The following DLC1 variants were observed in gnomAD, a reference collection of about 807,000 sequenced individuals.
The protein encoded by DLC1 is rho GTPase-activating protein 7.
DLC1 carries 54 observed loss-of-function variants against 140.3 expected under a neutral mutation model. That is an observed-to-expected ratio of 0.38 (90% CI 0.31 to 0.48). DLC1 has a LOEUF of 0.48. DLC1 is among the 20% of genes least tolerant of loss of function. The probability of loss-of-function intolerance (pLI) is 0.96; values close to 1 mark genes in which losing one functional copy is unlikely to be tolerated. For missense variants in DLC1, 2,536 were observed against 1,907.0 expected, an observed-to-expected ratio of 1.33 and a Z score of -6.14; for synonymous variants, 986 against 728.1, an observed-to-expected ratio of 1.35 and a Z score of -5.70.
At chr8:13,583,202 A>G (rs1473727800) in intron 1 of DLC1, among the ~76,000 whole-genome samples, 1 of 152,098 alleles carries the variant, frequency 6.6e-6, no homozygotes, top group Non-Finnish European at 1.5e-5. Context: ...ATGCTGTTTG[A>G]TAGCATTTTA....
intron 2 of DLC1, among the ~76,000 whole-genome samples, chr8:13,453,424 G>GTATA (rs1173719745): frequency 3.5e-5 from 2 of 56,514 alleles, no homozygotes; most frequent in South Asian, 4.9e-4. Context: ...ATATATATAT[G>GTATA]TGTATATATA....
At chr8:13,268,685 G>T (rs1323125692) in intron 5 of DLC1, among the ~76,000 whole-genome samples, 1 of 151,824 alleles carries the variant, frequency 6.6e-6, no homozygotes, top group Non-Finnish European at 1.5e-5. Context: ...GCCCAGCCTT[G>T]TTTGCAGAGA....
At chr8:13,177,698 T>C (rs576143780) in intron 5 of DLC1, among the ~76,000 whole-genome samples, 6 of 152,314 alleles carry the variant, frequency 3.9e-5, no homozygotes, top group Admixed American at 3.9e-4. Flanking sequence ...CATTTTTGCT[T>C]TTTTATATTT....
At chr8:13,305,381 A>T in intron 4 of DLC1, 79 bp from the exon 5 acceptor site, 1 of 1,424,054 alleles carries the variant, frequency 7.0e-7, no homozygotes, top group Non-Finnish European at 9.5e-7. Flanking sequence ...AACGAAGTGT[A>T]ATTAATGACG....
chr8:13,430,113 T>C (rs1838793444), intron 2 of DLC1, among the ~76,000 whole-genome samples: 1 of 152,182 alleles, frequency 6.6e-6, no homozygotes, highest in Non-Finnish European at 1.5e-5. Flanking sequence ...CAGTATTTTA[T>C]AAAATTCTCT....
intron 5 of DLC1, among the ~76,000 whole-genome samples, chr8:13,159,388 C>G (rs1447868489): frequency 6.6e-6 from 1 of 152,188 alleles, no homozygotes; most frequent in African/African-American, 2.4e-5. Flanking sequence ...CTGAAGGACT[C>G]CAGGGCGCTG....
chr8:13,107,383 C>T (rs1037563748), intron 7 of DLC1, among the ~76,000 whole-genome samples: 3 of 152,150 alleles, frequency 2.0e-5, no homozygotes, highest in Non-Finnish European at 4.4e-5. Flanking sequence ...TACGAGATCA[C>T]TTATAAGATC....
rs539960422 is a variant in DLC1, at chr8:13,357,506, A to G, written c.1314+36047T>C. On this transcript the variant is annotated intron_variant, in intron 4 of 17. Coordinates refer to ENST00000276297, the MANE Select transcript of DLC1 (RefSeq NM_182643.3). ...AGCACTGATGACCCAAACAGATTAA[A>G]GGTCAGTGAAGTTAAGCCTGGGGTA... 3.9e-5 allele frequency among the ~76,000 whole-genome samples: 6 copies of G among 152,344 alleles called. No homozygotes were observed. In the South Asian group the frequency reaches 8.3e-4, roughly 21 times the overall value.
intron 4 of DLC1, among the ~76,000 whole-genome samples, chr8:13,377,757 T>G (rs533889874): frequency 6.6e-6 from 1 of 152,218 alleles, no homozygotes; most frequent in African/African-American, 2.4e-5. Context: ...AAAGGTCTCT[T>G]GTTTTGGAAC....
chr8:13,491,231 C>A (rs752700099), intron 2 of DLC1, among the ~76,000 whole-genome samples: 2 of 151,530 alleles, frequency 1.3e-5, no homozygotes, highest in African/African-American at 2.4e-5. Context: ...GCATTTGACA[C>A]TCTCTAAACA....
chr8:13,545,727 C>G (rs187792331), intron 1 of DLC1, among the ~76,000 whole-genome samples: 4 of 151,748 alleles, frequency 2.6e-5, no homozygotes, highest in African/African-American at 4.8e-5. Flanking sequence ...ACCATTTGTG[C>G]TAAGATAAAT....
At chr8:13,149,909 A>C (rs1823686926) in intron 5 of DLC1, among the ~76,000 whole-genome samples, 1 of 152,188 alleles carries the variant, frequency 6.6e-6, no homozygotes, top group African/African-American at 2.4e-5. Flanking sequence ...CAAAATCCAA[A>C]ACTGAGACTT....
chr8:13,566,891 T>C (rs1273064283), intron 1 of DLC1: 3 of 1,398,978 alleles, frequency 2.1e-6, no homozygotes, highest in Non-Finnish European at 2.8e-6. Context: ...GCAGAGCTGA[T>C]GGCATTGAGA....
intron 2 of DLC1, among the ~76,000 whole-genome samples, chr8:13,478,982 G>C (rs570789011): frequency 1.3e-5 from 2 of 152,180 alleles, no homozygotes; most frequent in Non-Finnish European, 1.5e-5. Context: ...TAGCATTTGA[G>C]ACATTTGATC....
chr8:13,390,366 A>G (rs568519512), intron 4 of DLC1, among the ~76,000 whole-genome samples: 2 of 152,276 alleles, frequency 1.3e-5, no homozygotes, highest in East Asian at 1.9e-4. Context: ...CCAGTCTATC[A>G]TTGATGGGCA....
At chr8:13,194,430 T>G (rs1826934706) in intron 5 of DLC1, among the ~76,000 whole-genome samples, 1 of 152,208 alleles carries the variant, frequency 6.6e-6, no homozygotes, top group Non-Finnish European at 1.5e-5. Context: ...TGCATTTTTG[T>G]AAAGAATGCT....
At chr8:13,303,651 A>C (rs957883874) in intron 5 of DLC1, among the ~76,000 whole-genome samples, 1 of 152,036 alleles carries the variant, frequency 6.6e-6, no homozygotes, top group African/African-American at 2.4e-5. Context: ...AAAATACGAA[A>C]GTTAGCCTGG....
intron 4 of DLC1, among the ~76,000 whole-genome samples, chr8:13,388,495 T>A (rs1391837179): frequency 6.6e-6 from 1 of 152,020 alleles, no homozygotes; most frequent in African/African-American, 2.4e-5. Flanking sequence ...ACATAATTAA[T>A]AAATATAATT....
intron 4 of DLC1, chr8:13,340,110 G>T (rs1488777725): frequency 7.0e-6 from 1 of 142,784 alleles, no homozygotes; most frequent in Non-Finnish European, 1.6e-5. Flanking sequence ...AGGAGGTCCT[G>T]GGGAGGAGGC....
Sources: allele counts gnomAD v4.1 joint callset (sites outside exome capture counted in the v4.1 genomes callset), GRCh38; gene constraint gnomAD v4.1.1; transcripts MANE v1.5; gene names NCBI Gene and HGNC (gene_info 2026-07-23, HGNC 2026-07-21).